Variants in TRMT11 observed in about 807,000 individuals in gnomAD.
TRMT11 encodes the protein tRNA methyltransferase 11, also known as tRNA (guanine(10)-N(2))-methyltransferase TRMT11.
TRMT11 carries 53 observed loss-of-function variants against 62.8 expected under a neutral mutation model. That is an observed-to-expected ratio of 0.84 (90% CI 0.68 to 1.06). The LOEUF is 1.06. Ranked by LOEUF, TRMT11 falls within the 50% of genes least tolerant of loss-of-function variation. The probability of loss-of-function intolerance (pLI) is 0.00; values close to 1 mark genes in which losing one functional copy is unlikely to be tolerated. For synonymous variants in TRMT11, 188 were observed against 190.3 expected (o/e 0.99, Z 0.10); for missense variants, 556 against 553.4 (o/e 1.00, Z -0.05).
At chr6:126,261,859 G>A in the TRMT11 span, among the ~76,000 whole-genome samples, 1 of 152,202 alleles carries the variant, frequency 6.6e-6, no homozygotes, top group African/African-American at 2.4e-5. Context: ...TTTCCAGGGA[G>A]GTGGAGTTCA....
Position 125,998,064 on chromosome 6 carries a change from A to C in TRMT11, c.224A>C (p.Glu75Ala). ...KRTVCAKSIF[E>A]LWGHGQSPEE... The stretch of plus-strand genomic sequence containing the variant: ...CATTTATTTCCTAGGTCTATATTTG[A>C]ACTATGGGGTCATGGACAATCTCCT... Residue 75 changes from glutamate (E) to alanine (A), a missense_variant, in exon 4 of 13, where the codon GAA becomes GCA. Glu to Ala is a moderately radical substitution (Grantham distance 107). Coordinates refer to ENST00000334379, the MANE Select transcript of TRMT11 (RefSeq NM_001031712.3). 6.2e-7 allele frequency: 1 copy of C among 1,611,588 alleles called. No homozygotes were observed. The highest frequency in any genetic ancestry group is 8.5e-7 in the Non-Finnish European group (1 of 1,178,296).
chr6:126,052,791 T>C (rs1166065250), intron 16 of TRMT11, among the ~76,000 whole-genome samples: 2 of 152,248 alleles, frequency 1.3e-5, no homozygotes, highest in African/African-American at 4.8e-5. Context: ...CTTGCATTTG[T>C]TAGCTTGTTT....
At position 126,011,321 on chromosome 6, in the gene TRMT11, T is replaced by C. The variant is rs1184792050; in HGVS notation, c.829T>C (p.Tyr277His). The change falls in exon 9 of 13, where the codon TAT (tyrosine) becomes CAT (histidine). Residue 277 changes from tyrosine to histidine, a missense_variant. Coordinates refer to ENST00000334379, the MANE Select transcript of TRMT11 (RefSeq NM_001031712.3). ...DENIRANLRQ[Y>H]GLEKYYLDVL... Reference sequence around the variant, plus strand: ...AAACATTAGGGCCAATCTTCGTCAATATGGTTTAGAGAAGTATTACCTTGA... The same window carrying C: ...AAACATTAGGGCCAATCTTCGTCAACATGGTTTAGAGAAGTATTACCTTGA... 9.9e-6 allele frequency: 16 copies of C among 1,613,404 alleles called. No homozygotes were observed. Among genetic ancestry groups the C allele is most frequent in the Non-Finnish European group, 1.4e-5 (16 of 1,179,568 alleles).
chr6:126,020,457 T>A (rs1457156642), intron 11 of TRMT11, among the ~76,000 whole-genome samples: 1 of 152,214 alleles, frequency 6.6e-6, no homozygotes, highest in Non-Finnish European at 1.5e-5. Flanking sequence ...TGCTATTGAC[T>A]CCTGCTTTCT....
intron 21 of TRMT11, among the ~76,000 whole-genome samples, chr6:126,131,911 A>G (rs1275536296): frequency 6.6e-6 from 1 of 151,978 alleles, no homozygotes; most frequent in Non-Finnish European, 1.5e-5. Context: ...CATAGTAACT[A>G]GGTTGCTTGG....
intron 1 of TRMT11, among the ~76,000 whole-genome samples, chr6:125,990,338 G>C (rs1790397757): frequency 6.6e-6 from 1 of 152,220 alleles, no homozygotes; most frequent in African/African-American, 2.4e-5. Flanking sequence ...ATTTTCAGGT[G>C]TTAAGCCCTG....
chr6:126,267,915 C>T, the TRMT11 span, among the ~76,000 whole-genome samples: 17 of 151,636 alleles, frequency 1.1e-4, no homozygotes, highest in African/African-American at 3.7e-4. Flanking sequence ...AGATTTAGAA[C>T]CATAATGTCA....
At chr6:126,193,856 A>G (rs1478397554) in intron 1 of TRMT11, among the ~76,000 whole-genome samples, 3 of 151,976 alleles carry the variant, frequency 2.0e-5, no homozygotes, top group Admixed American at 6.6e-5. Context: ...GCTGTATTTC[A>G]TGGTACAGTA....
the TRMT11 span, among the ~76,000 whole-genome samples, chr6:126,210,655 G>A: frequency 6.6e-6 from 1 of 152,166 alleles, no homozygotes; most frequent in Non-Finnish European, 1.5e-5. Flanking sequence ...ACCTTCTCTT[G>A]TATACCGAAT....
chr6:126,269,464 CAG>C, the TRMT11 span, among the ~76,000 whole-genome samples: 4 of 151,872 alleles, frequency 2.6e-5, no homozygotes, highest in Non-Finnish European at 4.4e-5. Flanking sequence ...AAATAAAAAT[CAG>C]GGGGTTAAAT....
chr6:126,224,236 A>AG, the TRMT11 span, among the ~76,000 whole-genome samples: 21 of 152,208 alleles, frequency 1.4e-4, no homozygotes, highest in Admixed American at 1.4e-3. Flanking sequence ...TTGACTTGCC[A>AG]GGGTTCTGGC....
At chr6:126,172,861 AG>A (rs1358478659), upstream of TRMT11, among the ~76,000 whole-genome samples, 1 of 152,240 alleles carries the variant, frequency 6.6e-6, no homozygotes, top group Non-Finnish European at 1.5e-5. Flanking sequence ...GGAGGCATAT[AG>A]ATGAGGTGAG....
chr6:126,169,740 C>T (rs946930657), intron 21 of TRMT11, among the ~76,000 whole-genome samples: 2 of 152,176 alleles, frequency 1.3e-5, no homozygotes, highest in African/African-American at 4.8e-5. Context: ...ATGGTAGCCT[C>T]AGAAGAGTTC....
chr6:126,000,793 G>A (rs1476945830), intron 7 of TRMT11, among the ~76,000 whole-genome samples: 1 of 152,008 alleles, frequency 6.6e-6, no homozygotes, highest in Non-Finnish European at 1.5e-5. Context: ...TTCTCTGCCA[G>A]TTTCTCCATA....
the TRMT11 span, among the ~76,000 whole-genome samples, chr6:126,255,510 C>A: frequency 5.6e-4 from 85 of 152,268 alleles, no homozygotes; most frequent in South Asian, 5.4e-3. Flanking sequence ...AAAAAAATAA[C>A]CAATTTCTCT....
chr6:126,141,756 C>G (rs1347454854), intron 21 of TRMT11, among the ~76,000 whole-genome samples: 2 of 152,076 alleles, frequency 1.3e-5, no homozygotes, highest in Non-Finnish European at 2.9e-5. Flanking sequence ...TTATCTTTGA[C>G]CTTCTTTGCA....
intron 17 of TRMT11, among the ~76,000 whole-genome samples, chr6:126,066,053 G>A (rs1322107655): frequency 1.3e-5 from 2 of 152,334 alleles, no homozygotes; most frequent in East Asian, 3.9e-4. Flanking sequence ...AAAGGCACTA[G>A]GGTTCAGACC....
chr6:126,160,518 C>A (rs1355693545), intron 21 of TRMT11, among the ~76,000 whole-genome samples: 1 of 152,140 alleles, frequency 6.6e-6, no homozygotes, highest in African/African-American at 2.4e-5. Context: ...GGACAGCGAT[C>A]TCAACAATAG....
the TRMT11 span, among the ~76,000 whole-genome samples, chr6:126,235,912 C>T: frequency 3.9e-5 from 6 of 152,188 alleles, no homozygotes; most frequent in Non-Finnish European, 8.8e-5. Context: ...GAGTCATTCT[C>T]TCTGCCTTGG....
Sources: allele counts gnomAD v4.1 joint callset (sites outside exome capture counted in the v4.1 genomes callset), GRCh38; gene constraint gnomAD v4.1.1; transcripts MANE v1.5; gene names NCBI Gene and HGNC (gene_info 2026-07-23, HGNC 2026-07-21).